Variants in NUDT1 observed in about 807,000 individuals in gnomAD.
The protein encoded by NUDT1 is oxidized purine nucleoside triphosphate hydrolase.
In NUDT1, 16 loss-of-function variants were observed where a neutral mutation model predicts 11.3. The ratio of observed to expected loss-of-function variants is 1.41; its 90% confidence interval spans 0.96 to 2.15. The LOEUF (loss-of-function observed/expected upper bound fraction) is 2.15, where lower values mean the gene tolerates loss of function less well. Ranked by LOEUF, NUDT1 falls within the 30% of genes most tolerant of loss-of-function variation. The pLI is 0.00. For missense variants in NUDT1, 234 were observed against 208.4 expected (o/e 1.12, Z -0.76); for synonymous variants, 101 against 84.4 (o/e 1.20, Z -1.08).
Position 2,249,878 on chromosome 7 carries a change from T to A in NUDT1, c.174T>A (p.Gly58=), listed in dbSNP as rs764783702. ...GARRELQEES[G]LTVDALHKVG... is the part of the protein sequence containing the mutation. Reference sequence around the variant, plus strand: ...GCAGGGAGCTGCAGGAGGAGAGCGGTCTGACAGTGGACGCCCTGCACAAGG... The same window carrying A: ...GCAGGGAGCTGCAGGAGGAGAGCGGACTGACAGTGGACGCCCTGCACAAGG... Residue 58 remains glycine (G), a synonymous_variant, in exon 3 of 4, where the codon GGT becomes GGA. Coordinates refer to ENST00000356714, the MANE Select transcript of NUDT1 (RefSeq NM_002452.4). 1 of 1,613,930 alleles carries A rather than the reference T, an allele frequency of 6.2e-7. No individual in the cohort carries two copies. The highest frequency in any genetic ancestry group is 2.2e-5 in the East Asian group (1 of 44,880).
Position 2,251,051 on chromosome 7 carries a change from G to A in NUDT1, c.*50G>A, listed in dbSNP as rs372216748. 2.1e-5 allele frequency: 33 copies of A among 1,580,918 alleles called. No homozygotes were observed. The highest frequency in any genetic ancestry group is 5.0e-5 in the Admixed American group (3 of 59,916). On this transcript the variant is annotated 3_prime_UTR_variant, in exon 4 of 4. Coordinates refer to ENST00000356714, the MANE Select transcript of NUDT1 (RefSeq NM_002452.4). ...CAGGAGACGTGGCTGCTGAACAGCC[G>A]CAAACCATCTTCACCTGGGGGCATT...
intron 1 of NUDT1, chr7:2,243,137 C>T: frequency 1.6e-6 from 1 of 628,354 alleles, no homozygotes; most frequent in Non-Finnish European, 2.9e-6. Flanking sequence ...AGTTGATGGC[C>T]TGCTGGTGCC....
intron 2 of NUDT1, among the ~76,000 whole-genome samples, chr7:2,245,439 C>A (rs570296857): frequency 6.6e-6 from 1 of 152,304 alleles, no homozygotes; most frequent in South Asian, 2.1e-4. Context: ...AGTGGCTTTC[C>A]AATTTTTTCA....
intron 2 of NUDT1, among the ~76,000 whole-genome samples, chr7:2,247,398 G>A (rs898785600): frequency 7.2e-5 from 11 of 152,204 alleles, no homozygotes; most frequent in Non-Finnish European, 1.5e-4. Context: ...TGTGGGGCAG[G>A]GGACAGGCAC....
intron 2 of NUDT1, among the ~76,000 whole-genome samples, chr7:2,247,356 C>A (rs1252795055): frequency 6.6e-6 from 1 of 152,218 alleles, no homozygotes; most frequent in Non-Finnish European, 1.5e-5. Context: ...GCGCCTAACC[C>A]CAGTCCAGAG....
intron 1 of NUDT1, chr7:2,242,711 C>T: frequency 2.3e-6 from 1 of 426,882 alleles, no homozygotes; most frequent in Non-Finnish European, 4.2e-6. Flanking sequence ...TTCAGTGCCC[C>T]GCTTCTCAAG....
chr7:2,246,965 A>C (rs955098332), intron 2 of NUDT1, among the ~76,000 whole-genome samples: 2 of 152,146 alleles, frequency 1.3e-5, no homozygotes, highest in African/African-American at 4.8e-5. Flanking sequence ...GTTGGGGAGC[A>C]TCTGCAAGCA....
At chr7:2,248,326 C>G (rs1794849202) in intron 2 of NUDT1, among the ~76,000 whole-genome samples, 1 of 152,184 alleles carries the variant, frequency 6.6e-6, no homozygotes, top group African/African-American at 2.4e-5. Context: ...AGGGACTGAG[C>G]AAGAACCCGA....
At chr7:2,244,932 C>T (rs1457843489) in intron 2 of NUDT1, among the ~76,000 whole-genome samples, 2 of 152,166 alleles carry the variant, frequency 1.3e-5, no homozygotes, top group Non-Finnish European at 2.9e-5. Flanking sequence ...GAAATGAACT[C>T]GAAGGACTTA....
At chr7:2,246,106 A>G (rs1437131464) in intron 2 of NUDT1, among the ~76,000 whole-genome samples, 1 of 152,184 alleles carries the variant, frequency 6.6e-6, no homozygotes, top group Non-Finnish European at 1.5e-5. Flanking sequence ...ACCACAGCAC[A>G]GGAAACAGGA....
At chr7:2,247,702 T>G (rs1562408604) in intron 2 of NUDT1, among the ~76,000 whole-genome samples, 1 of 152,244 alleles carries the variant, frequency 6.6e-6, no homozygotes, top group East Asian at 1.9e-4. Context: ...CAGCGTCATC[T>G]TCGCCTGCCT....
In NUDT1 at chr7:2,250,842, C is replaced by G; in HGVS notation, c.312C>G (p.Cys104Trp). ...CCATTGGTACAGAAATGCGCCCATG[C>G]TGGTTCCAGCTGGATCAGATCCCCT... ...TPVESDEMRPCWFQLDQIPFK... is the reference protein window; with the variant it reads ...TPVESDEMRPWWFQLDQIPFK... Residue 104 changes from cysteine to tryptophan, a missense_variant, in exon 4 of 4, where the codon TGC (cysteine) becomes TGG (tryptophan). By Grantham distance (215) the Cys-to-Trp change is radical (BLOSUM62 -2). Coordinates refer to ENST00000356714, the MANE Select transcript of NUDT1 (RefSeq NM_002452.4). 16 of 1,614,152 alleles carry G rather than the reference C, an allele frequency of 9.9e-6. No individual in the cohort carries two copies. Among genetic ancestry groups the G allele is most frequent in the Non-Finnish European group, 1.4e-5 (16 of 1,179,994 alleles).
At chr7:2,244,370 C>G in intron 1 of NUDT1, 193 bp from the exon 2 acceptor site, 1 of 544,884 alleles carries the variant, frequency 1.8e-6, no homozygotes. Context: ...CTGTTTCTAC[C>G]CCAGAAAATC....
At chr7:2,249,687 A>C in intron 2 of NUDT1, 170 bp from the exon 3 acceptor site, 1 of 759,888 alleles carries the variant, frequency 1.3e-6, no homozygotes, top group South Asian at 1.7e-5. Context: ...TCTGAAGCTC[A>C]GCCAGGTCGG....
At chr7:2,242,325 G>A (rs942373614) in intron 1 of NUDT1, 69 bp downstream of exon 1, 13 of 682,766 alleles carry the variant, frequency 1.9e-5, no homozygotes, top group Non-Finnish European at 3.0e-5. Flanking sequence ...CCAGCGGGCG[G>A]CAGGAGACTA....
chr7:2,243,622 A>C (rs1041972158), intron 1 of NUDT1, among the ~76,000 whole-genome samples: 2 of 152,176 alleles, frequency 1.3e-5, no homozygotes, highest in African/African-American at 4.8e-5. Context: ...AAAATACAGA[A>C]ATTAGCTGGG....
intron 3 of NUDT1, among the ~76,000 whole-genome samples, chr7:2,250,533 C>G (rs1794956969): frequency 6.6e-6 from 1 of 152,256 alleles, no homozygotes; most frequent in African/African-American, 2.4e-5. Flanking sequence ...TCTCGGCTCA[C>G]TGCAAGCTCC....
intron 2 of NUDT1, chr7:2,249,574 C>G (rs762398965): frequency 4.1e-6 from 2 of 491,178 alleles, no homozygotes; most frequent in Non-Finnish European, 3.7e-6. Context: ...ACAGAGGGCA[C>G]TGGGCTAGAA....
At chr7:2,246,055 C>T (rs111511811) in intron 2 of NUDT1, among the ~76,000 whole-genome samples, 316 of 152,278 alleles carry the variant, frequency 2.1e-3, no homozygotes, top group Non-Finnish European at 3.4e-3. Context: ...GGGTGTGAGT[C>T]GGGCATACAG....
Sources: gnomAD v4.1 joint callset for allele counts (sites outside exome capture counted in the v4.1 genomes callset) on GRCh38, gnomAD v4.1.1 for gene constraint, MANE v1.5 for transcripts, NCBI Gene and HGNC (gene_info 2026-07-23, HGNC 2026-07-21) for gene names.